Variants in ATAT1 observed in about 807,000 individuals in gnomAD.
The protein encoded by ATAT1 is alpha tubulin acetyltransferase 1.
ATAT1 carries 42 observed loss-of-function variants against 57.2 expected under a neutral mutation model. The ratio of observed to expected loss-of-function variants is 0.73; its 90% CI spans 0.57 to 0.95. The LOEUF is 0.95. ATAT1 is among the 40% of genes least tolerant of loss of function. The probability of loss-of-function intolerance (pLI) is 0.00; values close to 1 mark genes in which losing one functional copy is unlikely to be tolerated. For synonymous variants in ATAT1, 168 were observed against 187.1 expected (o/e 0.90, Z 0.83); for missense variants, 454 against 523.7 (o/e 0.87, Z 1.30).
intron 6 of ATAT1, among the ~76,000 whole-genome samples, chr6:30,636,352 A>G (rs570804408): frequency 6.6e-6 from 1 of 152,152 alleles, no homozygotes; most frequent in Non-Finnish European, 1.5e-5. Context: ...TGGGAGGCCA[A>G]GGTAGGCGGA....
Position 30,642,833 on chromosome 6 carries a change from G to GTGC in ATAT1, c.754_755insTGC (p.Ala252delinsValPro). 2.6e-6 allele frequency: 4 copies of GTGC among 1,537,874 alleles called. No individual in the cohort carries two copies. The highest frequency in any genetic ancestry group is 1.2e-5 in the South Asian group (1 of 86,356). ...GGCCCCTCGCCGCGCCACACCTCCA[G>GTGC]CCCACCCACCCCCCCGCTCCAGCAG... On this transcript the variant is annotated protein_altering_variant, in exon 10 of 13. Coordinates refer to ENST00000330083, the MANE Select transcript of ATAT1 (RefSeq NM_001031722.4).
In ATAT1 at chr6:30,637,519, T is replaced by C. The variant is rs376052113; in HGVS notation, c.502-2858T>C. On this transcript the variant is annotated intron_variant, in intron 6 of 12. Transcript: ENST00000330083. ...CCAACATGGCGAAACCCCATCTCTATTAAAAATACAAAAATAAGCCGGGCG... is the reference window on the plus strand; with the variant it reads ...CCAACATGGCGAAACCCCATCTCTACTAAAAATACAAAAATAAGCCGGGCG... 8.6e-5 allele frequency among the ~76,000 whole-genome samples: 13 copies of C among 150,764 alleles called. No individual in the cohort carries two copies. The East Asian group carries it at 2.6e-3, about 30-fold the overall frequency.
intron 10 of ATAT1, 110 bp from the exon 11 acceptor site, chr6:30,645,785 C>T (rs1766615306): frequency 1.3e-6 from 1 of 749,718 alleles, no homozygotes; most frequent in Non-Finnish European, 2.0e-6. Flanking sequence ...TAATTACCCC[C>T]TTCTCTTTGT....
chr6:30,628,256 C>T (rs1762092644), intron 5 of ATAT1, 73 bp from the exon 6 acceptor site: 1 of 1,550,436 alleles, frequency 6.4e-7, no homozygotes, highest in African/African-American at 1.4e-5. Flanking sequence ...CTATTCCCTT[C>T]CCAGGCTTCT....
intron 6 of ATAT1, among the ~76,000 whole-genome samples, chr6:30,635,545 T>C (rs560163612): frequency 3.4e-5 from 5 of 149,202 alleles, no homozygotes; most frequent in African/African-American, 1.2e-4. Context: ...GCCGAGATCA[T>C]GCCATTGCAC....
rs1766789496 is a variant in ATAT1 at position 30,646,637 on chromosome 6, TTGG to T, written c.1227_1229del (p.Trp409del). The T allele has an allele frequency of 1.3e-6, 2 of 1,560,142 alleles. No homozygotes were observed. The highest frequency in any genetic ancestry group is 2.7e-5 in the African/African-American group (2 of 73,480). ...TGCAGGAACGTCGCAGCACCAGGCCTTGGTGACCGCAGCCCCGTCAAACATCTT... is the reference window on the plus strand; with the variant it reads ...TGCAGGAACGTCGCAGCACCAGGCCTTGACCGCAGCCCCGTCAAACATCTT... On this transcript the variant is annotated inframe_deletion, in exon 13 of 13. Coordinates refer to ENST00000330083, the MANE Select transcript of ATAT1 (RefSeq NM_001031722.4).
At chr6:30,643,221 G>C in intron 10 of ATAT1, 1 of 1,426,070 alleles carries the variant, frequency 7.0e-7, no homozygotes, top group Non-Finnish European at 9.1e-7. Context: ...TGGAGCCTAG[G>C]GACCCTGGCT....
Position 30,628,872 on chromosome 6 carries a change from G to A in ATAT1, c.501+442G>A, listed in dbSNP as rs141928719. 4.0e-3 allele frequency among the ~76,000 whole-genome samples: 612 copies of A among 151,612 alleles called. 4 individuals carry two copies. The highest frequency in any genetic ancestry group is 0.015 in the African/African-American group (604 of 41,334). On this transcript the variant is annotated intron_variant, in intron 6 of 12. Transcript: ENST00000330083. ...CCCGCCTTGGCCTCCCAAAATGCTG[G>A]GATTACAGGTGTGAGCCACCGCATC...
intron 10 of ATAT1, chr6:30,643,409 G>T: frequency 6.7e-7 from 1 of 1,499,368 alleles, no homozygotes; most frequent in Non-Finnish European, 8.9e-7. Flanking sequence ...AGCAGGCAGG[G>T]AGTGGGCATT....
intron 6 of ATAT1, among the ~76,000 whole-genome samples, chr6:30,634,838 AT>A: frequency 6.6e-6 from 1 of 152,118 alleles, no homozygotes; most frequent in East Asian, 2.0e-4. Context: ...AATACAAAAA[AT>A]TAGCCAGGCG....
intron 8 of ATAT1, 123 bp downstream of exon 8, chr6:30,640,726 C>A: frequency 1.8e-6 from 2 of 1,105,132 alleles, no homozygotes; most frequent in Non-Finnish European, 2.6e-6. Context: ...AAGTCTCCAG[C>A]AGTCATGACT....
Position 30,627,719 on chromosome 6 carries a change from A to C in ATAT1, c.216A>C (p.Ser72=). The stretch of plus-strand genomic sequence containing the variant: ...TTGTTTATATTCTCAAAGACAGTTC[A>C]GCCCGACCGTGAGTGCCACATGCTC... Residue 72 remains serine (S), a synonymous_variant, in exon 3 of 13, where the codon TCA becomes TCC. Coordinates refer to ENST00000330083, the MANE Select transcript of ATAT1 (RefSeq NM_001031722.4). 3.1e-6 allele frequency: 5 copies of C among 1,612,758 alleles called. No homozygotes were observed. The highest frequency in any genetic ancestry group is 4.2e-6 in the Non-Finnish European group (5 of 1,179,722).
At chr6:30,641,858 G>A in intron 8 of ATAT1, 1 of 1,169,606 alleles carries the variant, frequency 8.5e-7, no homozygotes, top group Non-Finnish European at 1.1e-6. Flanking sequence ...GGCCATGACA[G>A]CACCCACTGA....
At chr6:30,644,781 G>C (rs959529138) in intron 10 of ATAT1, 11 of 360,582 alleles carry the variant, frequency 3.1e-5, no homozygotes, top group African/African-American at 1.3e-4. Context: ...TTTTACCCAG[G>C]AGCCTCAGAG....
intron 6 of ATAT1, among the ~76,000 whole-genome samples, chr6:30,637,543 CGT>C (rs1764386837): frequency 6.6e-6 from 1 of 151,708 alleles, no homozygotes. Flanking sequence ...ATAAGCCGGG[CGT>C]GGTGGCATGT....
rs374736728 is a variant in ATAT1 at position 30,630,118 on chromosome 6, A to G, written c.501+1688A>G. 2.4e-4 allele frequency among the ~76,000 whole-genome samples: 37 copies of G among 152,296 alleles called. 1 individual carries two copies. The highest frequency in any genetic ancestry group is 8.7e-4 in the African/African-American group (36 of 41,562). ...GAATGGTTTACTCAATGAAACAGAC[A>G]ACAGCCTGGGCAACATAGCGAAACT... On this transcript the variant is annotated intron_variant, in intron 6 of 12. Coordinates refer to ENST00000330083, the MANE Select transcript of ATAT1 (RefSeq NM_001031722.4).
chr6:30,642,832 A>AGGGGCG lies in ATAT1; in HGVS notation c.754_755insGGGCGG (p.Pro251_Ala252insGlyAla). On this transcript the variant is annotated inframe_insertion, in exon 10 of 13. Coordinates refer to ENST00000330083, the MANE Select transcript of ATAT1 (RefSeq NM_001031722.4). ...GGGCCCCTCGCCGCGCCACACCTCC[A>AGGGGCG]GCCCACCCACCCCCCCGCTCCAGCA... 5.7e-6 allele frequency: 7 copies of AGGGGCG among 1,230,748 alleles called. No homozygotes were observed. Among genetic ancestry groups the AGGGGCG allele is most frequent in the East Asian group, 3.4e-5 (1 of 29,674 alleles). 76.2% of individuals were successfully genotyped at this position (1,230,748 alleles called of 1,614,324 possible).
rs375219542 is a variant in ATAT1 at position 30,646,002 on chromosome 6, A to C, written c.1012+28A>C. On this transcript the variant is annotated intron_variant, in intron 11 of 12. Transcript: ENST00000330083. ...AAGTATTCACTCCTCCCTACCCTCA[A>C]ATCAAGTAGGCCACATTCACTGTCT... 3 of 1,603,430 alleles carry C rather than the reference A, an allele frequency of 1.9e-6. No individual in the cohort carries two copies. The Admixed American group carries it at 5.1e-5, about 28-fold the overall frequency.
intron 6 of ATAT1, among the ~76,000 whole-genome samples, chr6:30,637,116 C>T (rs1020919185): frequency 1.2e-4 from 19 of 152,148 alleles, no homozygotes; most frequent in Admixed American, 3.3e-4. Context: ...GCACAGTATT[C>T]GATATGAAAC....
Sources: gnomAD v4.1 joint callset for allele counts (sites outside exome capture counted in the v4.1 genomes callset) on GRCh38, gnomAD v4.1.1 for gene constraint, MANE v1.5 for transcripts, NCBI Gene and HGNC (gene_info 2026-07-23, HGNC 2026-07-21) for gene names.